TMEM132B: variants seen among roughly 807,000 people sequenced by gnomAD.
TMEM132B encodes transmembrane protein 132B.
TMEM132B carries 18 observed loss-of-function variants against 90.8 expected under a neutral mutation model. The observed-to-expected ratio is 0.20, with a 90% CI of 0.14 to 0.29. TMEM132B has a LOEUF of 0.29. Among genes scored for constraint, TMEM132B ranks in the 10% least tolerant of loss-of-function variants. TMEM132B has a pLI of 1.00. For synonymous variants in TMEM132B, 504 were observed against 523.3 expected (o/e 0.96, Z 0.50); for missense variants, 1,096 against 1,326.8 (o/e 0.83, Z 2.70).
chr12:125,334,424 C>T (rs760248925), intron 1 of TMEM132B, among the ~76,000 whole-genome samples: 6 of 152,142 alleles, frequency 3.9e-5, no homozygotes, highest in South Asian at 2.1e-4. Flanking sequence ...TTCTGATCTT[C>T]GCTGTTCCTT....
intron 3 of TMEM132B, among the ~76,000 whole-genome samples, chr12:125,466,071 T>C (rs1045661340): frequency 1.3e-5 from 2 of 152,224 alleles, no homozygotes; most frequent in Non-Finnish European, 2.9e-5. Flanking sequence ...AAAAATGGCC[T>C]AAGACGCCAG....
chr12:125,359,952 C>T (rs1191409261), intron 2 of TMEM132B, among the ~76,000 whole-genome samples: 2 of 152,170 alleles, frequency 1.3e-5, no homozygotes, highest in African/African-American at 4.8e-5. Flanking sequence ...GTGGCACGTG[C>T]CTCTAGTCCC....
At chr12:125,249,294 C>A (rs939419464) in intron 1 of TMEM132B, among the ~76,000 whole-genome samples, 4 of 152,062 alleles carry the variant, frequency 2.6e-5, no homozygotes, top group Non-Finnish European at 4.4e-5. Flanking sequence ...TGTGGTGGGG[C>A]CCGAGGATTT....
At chr12:125,299,498 C>G in intron 1 of TMEM132B, among the ~76,000 whole-genome samples, 1 of 152,312 alleles carries the variant, frequency 6.6e-6, no homozygotes, top group Admixed American at 6.5e-5. Flanking sequence ...CAGACCGACT[C>G]TGGGCTGATG....
At chr12:125,294,738 G>A (rs191785205) in intron 1 of TMEM132B, among the ~76,000 whole-genome samples, 1 of 152,338 alleles carries the variant, frequency 6.6e-6, no homozygotes, top group East Asian at 1.9e-4. Flanking sequence ...CCGAAGTCCT[G>A]CTGGTCACAG....
At chr12:125,468,591 G>T in intron 3 of TMEM132B, among the ~76,000 whole-genome samples, 1 of 152,084 alleles carries the variant, frequency 6.6e-6, no homozygotes, top group Non-Finnish European at 1.5e-5. Flanking sequence ...GCTTATTTCT[G>T]GGCTCTCTAA....
chr12:125,242,688 T>TCGGAGC (rs1874100390), intron 1 of TMEM132B, among the ~76,000 whole-genome samples: 3 of 152,214 alleles, frequency 2.0e-5, no homozygotes, highest in Admixed American at 2.0e-4. Context: ...ACTGGACAGT[T>TCGGAGC]CGGAGCCTGA....
At chr12:125,469,267 T>C (rs1881649740) in intron 3 of TMEM132B, among the ~76,000 whole-genome samples, 1 of 152,218 alleles carries the variant, frequency 6.6e-6, no homozygotes, top group South Asian at 2.1e-4. Context: ...CTCCTAGTTC[T>C]CAAGGCATGT....
intron 2 of TMEM132B, among the ~76,000 whole-genome samples, chr12:125,393,137 A>G (rs1566021744): frequency 6.6e-6 from 1 of 152,208 alleles, no homozygotes; most frequent in Non-Finnish European, 1.5e-5. Flanking sequence ...TTTGCCTTTG[A>G]TATCAGTTTG....
intron 1 of TMEM132B, among the ~76,000 whole-genome samples, chr12:125,269,236 G>A (rs1874765793): frequency 6.6e-6 from 1 of 152,206 alleles, no homozygotes; most frequent in African/African-American, 2.4e-5. Flanking sequence ...CGGGCCAGGT[G>A]CTGCCCTGAG....
intron 2 of TMEM132B, among the ~76,000 whole-genome samples, chr12:125,412,026 G>GGGAA (rs1879862209): frequency 6.6e-6 from 1 of 152,104 alleles, no homozygotes; most frequent in African/African-American, 2.4e-5. Flanking sequence ...GGCACCCCCC[G>GGGAA]TGCTAGGAAA....
chr12:125,221,056 G>A (rs1873545899), intron 1 of TMEM132B, among the ~76,000 whole-genome samples: 1 of 152,222 alleles, frequency 6.6e-6, no homozygotes. Flanking sequence ...ATTTTAGAGG[G>A]GCTGTCCCTG....
rs1334637558 is a variant in TMEM132B, at chr12:125,204,369, G to T, written c.67+17503G>T. 2.3e-5 allele frequency among the ~76,000 whole-genome samples: 3 copies of T among 130,506 alleles called. 1 individual carries two copies. The highest frequency in any genetic ancestry group is 3.6e-5 in the Non-Finnish European group (2 of 56,074). 85.6% of individuals were successfully genotyped at this position (130,506 alleles called of 152,430 possible). Reference sequence around the variant, plus strand: ...TATCTCGTGAATCCTTTTGGTGAGGGCTCCATGTACCCAGGCACTCTGCTT... The same window carrying T: ...TATCTCGTGAATCCTTTTGGTGAGGTCTCCATGTACCCAGGCACTCTGCTT... On this transcript the variant is annotated intron_variant, in intron 1 of 8. Coordinates refer to ENST00000682704, the MANE Select transcript of TMEM132B (RefSeq NM_001366854.1).
chr12:125,201,859 C>T (rs1262849933), intron 1 of TMEM132B, among the ~76,000 whole-genome samples: 2 of 152,218 alleles, frequency 1.3e-5, no homozygotes, highest in Non-Finnish European at 2.9e-5. Flanking sequence ...GTTCAGTGAA[C>T]ACCTACTATG....
At chr12:125,603,240 T>C (rs1885612330) in intron 5 of TMEM132B, among the ~76,000 whole-genome samples, 1 of 152,184 alleles carries the variant, frequency 6.6e-6, no homozygotes, top group Non-Finnish European at 1.5e-5. Flanking sequence ...AACAGCATGG[T>C]ACTGGTACCA....
chr12:125,343,429 C>A (rs1229285641), intron 1 of TMEM132B, among the ~76,000 whole-genome samples: 1 of 152,154 alleles, frequency 6.6e-6, no homozygotes, highest in Non-Finnish European at 1.5e-5. Context: ...GGGATTGTGT[C>A]CATGAACCTG....
chr12:125,519,666 G>T (rs776508250), intron 4 of TMEM132B, 41 bp downstream of exon 4: 2 of 1,602,772 alleles, frequency 1.2e-6, no homozygotes, highest in African/African-American at 1.3e-5. Flanking sequence ...TCACAAAGAA[G>T]TTTTCTTTAA....
chr12:125,608,996 A>G (rs1026099688), intron 5 of TMEM132B, among the ~76,000 whole-genome samples: 3 of 152,180 alleles, frequency 2.0e-5, no homozygotes, highest in African/African-American at 7.2e-5. Context: ...GCAACTTACA[A>G]TCATGGTGGA....
intron 5 of TMEM132B, among the ~76,000 whole-genome samples, chr12:125,620,985 C>T (rs1164994398): frequency 6.6e-6 from 1 of 152,178 alleles, no homozygotes; most frequent in African/African-American, 2.4e-5. Context: ...GACAACTGAA[C>T]TTTGGGAGAC....
Sources: allele counts gnomAD v4.1 joint callset (sites outside exome capture counted in the v4.1 genomes callset), GRCh38; gene constraint gnomAD v4.1.1; transcripts MANE v1.5; gene names NCBI Gene and HGNC (gene_info 2026-07-23, HGNC 2026-07-21).